The following CMTM8 variants were observed in gnomAD, a reference collection of about 807,000 sequenced individuals.
CMTM8 encodes CKLF like MARVEL transmembrane domain containing 8.
Under a neutral mutation model 18.6 loss-of-function variants are expected in CMTM8, and 12 were observed. That is an observed-to-expected ratio of 0.65 (90% CI 0.41 to 1.05). The LOEUF is 1.05. CMTM8 is among the 50% of genes least tolerant of loss of function. The pLI is 0.00. For missense variants in CMTM8, 217 were observed against 227.2 expected (o/e 0.95, Z 0.29); for synonymous variants, 87 against 90.6 (o/e 0.96, Z 0.23).
intron 1 of CMTM8, among the ~76,000 whole-genome samples, chr3:32,297,841 G>A (rs563095501): frequency 6.6e-6 from 1 of 152,040 alleles, no homozygotes; most frequent in Admixed American, 6.6e-5. Flanking sequence ...TTGTGTGTGG[G>A]AAGGATTTGG....
chr3:32,259,367 A>T, intron 1 of CMTM8: 1 of 785,972 alleles, frequency 1.3e-6, no homozygotes, highest in Non-Finnish European at 2.3e-6. Flanking sequence ...CTTCTCAAAT[A>T]CTGTGGACAA....
chr3:32,288,494 G>C (rs1193095985), intron 1 of CMTM8, among the ~76,000 whole-genome samples: 1 of 118,298 alleles, frequency 8.5e-6, no homozygotes, highest in East Asian at 2.9e-4. Context: ...TGTTGAGTAG[G>C]CTATACAGCT....
chr3:32,300,836 T>C (rs190677219), intron 1 of CMTM8, among the ~76,000 whole-genome samples: 2 of 152,172 alleles, frequency 1.3e-5, no homozygotes, highest in African/African-American at 4.8e-5. Flanking sequence ...GGCACATGCC[T>C]GTAATCCCAT....
chr3:32,313,545 G>A (rs983117312), intron 1 of CMTM8, among the ~76,000 whole-genome samples: 1 of 152,064 alleles, frequency 6.6e-6, no homozygotes, highest in Non-Finnish European at 1.5e-5. Context: ...GCTCAAGCAA[G>A]GTGCCCACCT....
At chr3:32,361,423 CCTG>C in intron 2 of CMTM8, among the ~76,000 whole-genome samples, 1 of 151,896 alleles carries the variant, frequency 6.6e-6, no homozygotes, top group South Asian at 2.1e-4. Context: ...CGTGGATTTT[CCTG>C]CTAAGAGGGA....
At chr3:32,317,494 G>C (rs1695953781) in intron 1 of CMTM8, among the ~76,000 whole-genome samples, 1 of 152,092 alleles carries the variant, frequency 6.6e-6, no homozygotes, top group Admixed American at 6.6e-5. Context: ...ACACATTGTT[G>C]GTGGGAAAAT....
intron 1 of CMTM8, among the ~76,000 whole-genome samples, chr3:32,274,698 T>C (rs981910001): frequency 2.0e-5 from 3 of 152,232 alleles, no homozygotes; most frequent in African/African-American, 7.2e-5. Flanking sequence ...TTCCTTATAT[T>C]CTTTTTCCCT....
intron 1 of CMTM8, among the ~76,000 whole-genome samples, chr3:32,336,417 T>C (rs1696387537): frequency 1.3e-5 from 2 of 152,264 alleles, no homozygotes; most frequent in Non-Finnish European, 2.9e-5. Flanking sequence ...GGAGGCTCTG[T>C]AGCAGAAAAG....
intron 2 of CMTM8, among the ~76,000 whole-genome samples, chr3:32,357,893 C>T (rs566640336): frequency 5.3e-5 from 8 of 152,332 alleles, no homozygotes; most frequent in African/African-American, 1.9e-4. Context: ...AGGGCGCCAA[C>T]CTCTGCAGAT....
intron 1 of CMTM8, among the ~76,000 whole-genome samples, chr3:32,355,673 C>T (rs1050363930): frequency 6.6e-6 from 1 of 152,144 alleles, no homozygotes; most frequent in African/African-American, 2.4e-5. Context: ...TTGCTTAAAA[C>T]TCTCCCACTG....
At chr3:32,334,804 T>A (rs142248389) in intron 1 of CMTM8, among the ~76,000 whole-genome samples, 1 of 152,280 alleles carries the variant, frequency 6.6e-6, no homozygotes, top group African/African-American at 2.4e-5. Flanking sequence ...AAAAAAATTG[T>A]GTAAAGTGAA....
intron 1 of CMTM8, among the ~76,000 whole-genome samples, chr3:32,278,830 A>G (rs1702558708): frequency 6.6e-6 from 1 of 152,240 alleles, no homozygotes; most frequent in Non-Finnish European, 1.5e-5. Flanking sequence ...AGTGAAAGAC[A>G]CTTCCTAGAA....
intron 1 of CMTM8, among the ~76,000 whole-genome samples, chr3:32,260,949 C>T (rs1431169542): frequency 2.0e-5 from 3 of 152,100 alleles, no homozygotes; most frequent in Non-Finnish European, 4.4e-5. Context: ...AGGTTGGATA[C>T]AGTGGCTCAT....
chr3:32,253,729 T>C (rs997285762), intron 1 of CMTM8, among the ~76,000 whole-genome samples: 12 of 152,166 alleles, frequency 7.9e-5, no homozygotes, highest in African/African-American at 2.7e-4. Flanking sequence ...AGAGACCAGG[T>C]CTTGCTATGT....
chr3:32,335,491 C>T (rs1259895895), intron 1 of CMTM8, among the ~76,000 whole-genome samples: 1 of 152,174 alleles, frequency 6.6e-6, no homozygotes, highest in Non-Finnish European at 1.5e-5. Context: ...CTCACCTCCA[C>T]GGAGGGCTTG....
intron 1 of CMTM8, among the ~76,000 whole-genome samples, chr3:32,284,049 C>T (rs1039118354): frequency 6.6e-6 from 1 of 152,116 alleles, no homozygotes; most frequent in Non-Finnish European, 1.5e-5. Context: ...GTCAGGAGTT[C>T]GAGACCAGCC....
chr3:32,292,039 C>T (rs1702787455), intron 1 of CMTM8, among the ~76,000 whole-genome samples: 1 of 152,198 alleles, frequency 6.6e-6, no homozygotes, highest in African/African-American at 2.4e-5. Flanking sequence ...ATCTATAGCT[C>T]TCATCACCTT....
intron 1 of CMTM8, among the ~76,000 whole-genome samples, chr3:32,330,197 A>ATTTTTT (rs57467295): frequency 5.6e-5 from 7 of 125,162 alleles, no homozygotes; most frequent in Admixed American, 8.4e-5. Flanking sequence ...TCCCAGTGGC[A>ATTTTTT]TTTTTTTTTT....
chr3:32,287,591 C>T (rs888255195), intron 1 of CMTM8, among the ~76,000 whole-genome samples: 4 of 152,078 alleles, frequency 2.6e-5, no homozygotes, highest in Non-Finnish European at 2.9e-5. Context: ...AGTGCCAATT[C>T]AGAGTAAAGT....
Sources: allele counts gnomAD v4.1 joint callset (sites outside exome capture counted in the v4.1 genomes callset), GRCh38; gene constraint gnomAD v4.1.1; transcripts MANE v1.5; gene names NCBI Gene and HGNC (gene_info 2026-07-23, HGNC 2026-07-21).